The following GDPD5 variants were observed in gnomAD, a reference collection of about 807,000 sequenced individuals.
The protein encoded by GDPD5 is glycerophosphodiester phosphodiesterase domain containing 5.
In GDPD5, 48 loss-of-function variants were observed where a neutral mutation model predicts 75.1. The observed-to-expected ratio is 0.64, with a 90% CI of 0.51 to 0.81. The LOEUF (loss-of-function observed/expected upper bound fraction) is 0.81. Among genes scored for constraint, GDPD5 ranks in the 40% least tolerant of loss-of-function variants. GDPD5 has a pLI of 0.00. For synonymous variants in GDPD5, 336 were observed against 339.0 expected (o/e 0.99, Z 0.10); for missense variants, 706 against 822.6 (o/e 0.86, Z 1.73).
At chr11:75,455,035 C>T (rs997879623) in intron 6 of GDPD5, among the ~76,000 whole-genome samples, 2 of 152,274 alleles carry the variant, frequency 1.3e-5, no homozygotes, top group Admixed American at 6.5e-5. Flanking sequence ...CTGAAAGGAC[C>T]CTGCTCATGC....
chr11:75,462,946 C>G, intron 3 of GDPD5, 57 bp from the exon 4 acceptor site: 1 of 1,401,048 alleles, frequency 7.1e-7, no homozygotes, highest in Non-Finnish European at 1.0e-6. Flanking sequence ...CCTTAGGCTG[C>G]CTCCCACCAG....
chr11:75,518,990 C>A (rs1046049862), intron 1 of GDPD5, among the ~76,000 whole-genome samples: 1 of 152,170 alleles, frequency 6.6e-6, no homozygotes, highest in African/African-American at 2.4e-5. Context: ...GAACTCAAAG[C>A]AGGCCTGTTT....
rs202202373 is a variant in GDPD5 at position 75,477,739 on chromosome 11, C to T, written c.-4G>A. The T allele has an allele frequency of 2.6e-5, 40 of 1,557,508 alleles. No individual in the cohort carries two copies. Among genetic ancestry groups the T allele is most frequent in the East Asian group, 9.3e-5 (4 of 43,240 alleles). On this transcript the variant is annotated 5_prime_UTR_variant, in exon 3 of 17. Coordinates refer to ENST00000336898, the MANE Select transcript of GDPD5 (RefSeq NM_030792.8). ...GCAGGGGCTGGTGTCTCACCATACT[C>T]GTGCCCACGGCCCTGGCGCCTGGCC...
At chr11:75,489,106 G>A (rs1950064256) in intron 2 of GDPD5, among the ~76,000 whole-genome samples, 2 of 152,100 alleles carry the variant, frequency 1.3e-5, no homozygotes, top group Non-Finnish European at 2.9e-5. Context: ...CACAACTGCA[G>A]AGCCACTTCT....
chr11:75,453,433 ACG>A (rs1949214744), intron 6 of GDPD5, among the ~76,000 whole-genome samples: 1 of 152,062 alleles, frequency 6.6e-6, no homozygotes, highest in African/African-American at 2.4e-5. Context: ...CCTAGCTAAC[ACG>A]GTGAAACCTC....
At chr11:75,513,954 A>C (rs935147340) in intron 1 of GDPD5, among the ~76,000 whole-genome samples, 2 of 152,118 alleles carry the variant, frequency 1.3e-5, no homozygotes, top group Non-Finnish European at 2.9e-5. Context: ...AGGCTGTGGG[A>C]CCTCAAGCCA....
At chr11:75,485,027 C>T (rs570507059) in intron 2 of GDPD5, among the ~76,000 whole-genome samples, 63 of 152,304 alleles carry the variant, frequency 4.1e-4, no homozygotes, top group African/African-American at 1.1e-3. Context: ...GAGTCAGCTA[C>T]CCAGCCACAA....
chr11:75,487,466 C>T (rs900114160), intron 2 of GDPD5, among the ~76,000 whole-genome samples: 1 of 152,224 alleles, frequency 6.6e-6, no homozygotes, highest in Non-Finnish European at 1.5e-5. Flanking sequence ...GCCTGTGCCA[C>T]CCAGGCCCTG....
chr11:75,471,066 A>G lies in GDPD5; in HGVS notation c.117+6553T>C, dbSNP rs182018553. On this transcript the variant is annotated intron_variant, in intron 3 of 16. Transcript: ENST00000336898. ...AAGAGGGAGAGACTGAAGAGTGCCT[A>G]CTCCTGAATCTGCCACCTGCAAGCC... Among the ~76,000 whole-genome samples the G allele has an allele frequency of 7.4e-4, 113 of 152,188 alleles. 1 individual carries two copies. The East Asian group carries it at 0.021, about 28-fold the overall frequency.
intron 10 of GDPD5, among the ~76,000 whole-genome samples, chr11:75,444,100 G>A (rs1948915305): frequency 6.6e-6 from 1 of 152,166 alleles, no homozygotes; most frequent in South Asian, 2.1e-4. Context: ...AAACGTAACT[G>A]GAGTCACAGT....
intron 3 of GDPD5, among the ~76,000 whole-genome samples, chr11:75,471,749 T>G (rs1252892478): frequency 2.0e-5 from 3 of 152,160 alleles, no homozygotes; most frequent in Non-Finnish European, 4.4e-5. Flanking sequence ...GACGTGGTCA[T>G]GCCAGGTGCC....
At chr11:75,513,560 G>A (rs1319951610) in intron 1 of GDPD5, among the ~76,000 whole-genome samples, 4 of 152,128 alleles carry the variant, frequency 2.6e-5, no homozygotes, top group South Asian at 2.1e-4. Context: ...AGAGCGCTTC[G>A]TAAAGTTAAA....
At chr11:75,509,841 G>A (rs1256634324) in intron 1 of GDPD5, among the ~76,000 whole-genome samples, 5 of 152,060 alleles carry the variant, frequency 3.3e-5, no homozygotes, top group African/African-American at 1.2e-4. Context: ...CACCAAGCCC[G>A]GCTAATTTTT....
chr11:75,514,685 C>T (rs938805802), intron 1 of GDPD5, among the ~76,000 whole-genome samples: 2 of 152,238 alleles, frequency 1.3e-5, no homozygotes, highest in African/African-American at 4.8e-5. Context: ...TGACAGGGCA[C>T]ATCTGGACAG....
chr11:75,442,517 G>A lies in GDPD5; in HGVS notation c.1013C>T (p.Ser338Phe), dbSNP rs1282170262. 1.2e-6 allele frequency: 2 copies of A among 1,614,036 alleles called. No individual in the cohort carries two copies. The highest frequency in any genetic ancestry group is 1.7e-5 in the Admixed American group (1 of 60,012). Residue 338 changes from serine to phenylalanine, a missense_variant, in exon 12 of 17, where the codon TCC becomes TTC. Coordinates refer to ENST00000336898, the MANE Select transcript of GDPD5 (RefSeq NM_030792.8). ...PSDHREAQNQ[S>F]ICSLAELLEL... ...CAGGAGCTCTGCCAGGCTGCAGATG[G>A]ACTGGTTCTGGGCCTCTCTGTGGTC...
At chr11:75,470,985 C>T (rs1949648942) in intron 3 of GDPD5, among the ~76,000 whole-genome samples, 1 of 152,196 alleles carries the variant, frequency 6.6e-6, no homozygotes, top group South Asian at 2.1e-4. Flanking sequence ...GGTTCCAGCT[C>T]TTCTTTGAGG....
Position 75,439,961 on chromosome 11 carries a change from G to T in GDPD5, c.1474C>A (p.Pro492Thr), listed in dbSNP as rs199795436. Reference sequence around the variant, plus strand: ...CACATGAGACAGTACTCGTCCGGGGGCTGTGGACAGACGGCCCGAGGCCAA... The same window carrying T: ...CACATGAGACAGTACTCGTCCGGGGTCTGTGGACAGACGGCCCGAGGCCAA... Reference protein sequence around the residue: ...SQVPSPLWIMPPDEYCLMWVT... With the variant: ...SQVPSPLWIMTPDEYCLMWVT... The change falls in exon 15 of 17, where the codon CCC becomes ACC. Residue 492 changes from proline to threonine, a missense_variant and splice_region_variant. Coordinates refer to ENST00000336898, the MANE Select transcript of GDPD5 (RefSeq NM_030792.8). The T allele has an allele frequency of 3.1e-6, 5 of 1,611,426 alleles. No homozygotes were observed. The highest frequency in any genetic ancestry group is 4.2e-6 in the Non-Finnish European group (5 of 1,178,104).
chr11:75,507,333 T>A (rs1266838460), intron 1 of GDPD5, among the ~76,000 whole-genome samples: 9 of 152,192 alleles, frequency 5.9e-5, no homozygotes, highest in Non-Finnish European at 1.2e-4. Flanking sequence ...ACTGCTCCCC[T>A]CACCCTGCTT....
rs1428100596 is a variant in GDPD5, at chr11:75,449,070, G to A, written c.621C>T (p.Tyr207=). Residue 207 remains tyrosine, a synonymous_variant, in exon 9 of 17, where the codon TAC becomes TAT. Transcript: ENST00000336898. ...CTFFTVVFAL[Y]LAPLTISSPC... ...GAGAGGAGATGGTGAGAGGGGCCAG[G>A]TAGAGGGCAAACACCACGGTGAAGA... 1 of 1,607,558 alleles carries A rather than the reference G, an allele frequency of 6.2e-7. No individual in the cohort carries two copies. Among genetic ancestry groups the A allele is most frequent in the Middle Eastern group, 1.7e-4 (1 of 6,042 alleles).
Sources: allele counts gnomAD v4.1 joint callset (sites outside exome capture counted in the v4.1 genomes callset), GRCh38; gene constraint gnomAD v4.1.1; transcripts MANE v1.5; gene names NCBI Gene and HGNC (gene_info 2026-07-23, HGNC 2026-07-21).